Variants in LRR1 observed in about 807,000 individuals in gnomAD.
LRR1 encodes the protein leucine-rich repeat protein 1.
Under a neutral mutation model 31.6 loss-of-function variants are expected in LRR1, and 29 were observed. That is an observed-to-expected ratio of 0.92 (90% CI 0.68 to 1.25). LRR1 has a LOEUF of 1.25. LRR1 is among the 50% of genes most tolerant of loss of function. The pLI is 0.00. For synonymous variants in LRR1, 179 were observed against 181.4 expected (o/e 0.99, Z 0.10); for missense variants, 485 against 487.2 (o/e 1.00, Z 0.04).
At chr14:49,609,706 C>G (rs922780627) in intron 3 of LRR1, among the ~76,000 whole-genome samples, 6 of 151,640 alleles carry the variant, frequency 4.0e-5, no homozygotes, top group Non-Finnish European at 8.8e-5. Context: ...CGCGCCTGGC[C>G]TTATTTTTTT....
At chr14:49,602,339 T>G (rs1289479725) in intron 1 of LRR1, 31 bp from the exon 2 acceptor site, 1 of 1,564,000 alleles carries the variant, frequency 6.4e-7, no homozygotes, top group Admixed American at 1.7e-5. Context: ...ATAATTAGTT[T>G]TCTTCTTTTT....
Position 49,608,899 on chromosome 14 carries a change from C to CTTTTT in LRR1, c.1004+801_1004+805dup, listed in dbSNP as rs34457930. ...TCACCACTTTGTATGACTTTAACCT[C>CTTTTT]TTTTTTTTTTTTTTTTTTTTTTTTT... is the stretch of plus-strand genomic sequence containing the variant. On this transcript the variant is annotated intron_variant, in intron 3 of 3. Coordinates refer to ENST00000298288, the MANE Select transcript of LRR1 (RefSeq NM_152329.4). Among the ~76,000 whole-genome samples the CTTTTT allele has an allele frequency of 8.1e-4, 58 of 71,598 alleles. 2 individuals are homozygous for CTTTTT. Among genetic ancestry groups the CTTTTT allele is most frequent in the African/African-American group, 3.1e-3 (51 of 16,688 alleles). The allele number at this position is 71,598 out of a possible 152,430, so 47.0% of individuals were successfully genotyped here.
chr14:49,611,054 A>G (rs1443104912), intron 3 of LRR1, among the ~76,000 whole-genome samples: 1 of 152,198 alleles, frequency 6.6e-6, no homozygotes, highest in African/African-American at 2.4e-5. Flanking sequence ...ATTTTGCATA[A>G]AAGGAACCTG....
At chr14:49,613,300 C>G (rs1882581169) in intron 3 of LRR1, among the ~76,000 whole-genome samples, 1 of 148,924 alleles carries the variant, frequency 6.7e-6, no homozygotes, top group South Asian at 2.1e-4. Flanking sequence ...GATTGTGCCA[C>G]TGCGCTCCAG....
At chr14:49,610,591 CTT>C (rs1012122985) in intron 3 of LRR1, among the ~76,000 whole-genome samples, 3 of 150,792 alleles carry the variant, frequency 2.0e-5, no homozygotes, top group Admixed American at 6.6e-5. Context: ...GAGACAGTCT[CTT>C]TCACTCTTGC....
chr14:49,612,756 A>C (rs1338163545), intron 3 of LRR1: 1 of 536,154 alleles, frequency 1.9e-6, no homozygotes, highest in Non-Finnish European at 2.5e-6. Context: ...ATTATGTGCC[A>C]GCCTAAGCTA....
At chr14:49,612,479 T>G (rs1421802778) in intron 3 of LRR1, 1 of 1,253,486 alleles carries the variant, frequency 8.0e-7, no homozygotes, top group Non-Finnish European at 1.0e-6. Context: ...TAGAACCATC[T>G]ATCCGAAAGA....
intron 1 of LRR1, chr14:49,601,745 G>GGA (rs1882061134): frequency 8.2e-7 from 1 of 1,222,184 alleles, no homozygotes; most frequent in South Asian, 1.3e-5. Context: ...TGTTCTCAAA[G>GGA]GAGAGTTACT....
chr14:49,609,217 C>CTTTTTTTTTTTTTTTTTT (rs746422046), intron 3 of LRR1, among the ~76,000 whole-genome samples: 1 of 76,906 alleles, frequency 1.3e-5, no homozygotes, highest in African/African-American at 5.5e-5. Context: ...ACACCTGGCC[C>CTTTTTTTTTTTTTTTTTT]TTTTTTTTTT....
intron 1 of LRR1, chr14:49,600,155 CA>C: frequency 1.3e-6 from 2 of 1,494,548 alleles, no homozygotes; most frequent in Non-Finnish European, 1.9e-6. Context: ...CCGTGGGGGG[CA>C]AGCAGTACCT....
rs372797984 is a variant in LRR1, at chr14:49,607,804, G to C, written c.687G>C (p.Arg229=). 1.5e-5 allele frequency: 24 copies of C among 1,613,994 alleles called. No homozygotes were observed. Among genetic ancestry groups the C allele is most frequent in the Non-Finnish European group, 1.9e-5 (22 of 1,180,008 alleles). Residue 229 remains arginine, a synonymous_variant, in exon 3 of 4, where the codon CGG becomes CGC. Coordinates refer to ENST00000298288, the MANE Select transcript of LRR1 (RefSeq NM_152329.4). ...LCHSTLQKSL[R]SLDLSKNKIK... Reference sequence around the variant, plus strand: ...ATTCTACACTCCAGAAGTCACTTCGGAGTTTGGACCTCAGCAAGAACAAAA... The same window carrying C: ...ATTCTACACTCCAGAAGTCACTTCGCAGTTTGGACCTCAGCAAGAACAAAA...
intron 2 of LRR1, 100 bp from the exon 3 acceptor site, chr14:49,607,300 C>A: frequency 2.5e-6 from 3 of 1,183,028 alleles, no homozygotes; most frequent in Non-Finnish European, 3.4e-6. Context: ...ATCATTGTAT[C>A]ACATTCATAA....
In LRR1 at chr14:49,607,709, G is replaced by A. The variant is rs759058859; in HGVS notation, c.592G>A (p.Asp198Asn). 6.2e-7 allele frequency: 1 copy of A among 1,611,308 alleles called. No homozygotes were observed. The highest frequency in any genetic ancestry group is 8.5e-7 in the Non-Finnish European group (1 of 1,179,166). ...AAAAAAGCTTCCAGCTACAATTGGA[G>A]ACCTCATACACCTTCAAGAACTTAA... is the stretch of plus-strand genomic sequence containing the variant. ...HIKKLPATIG[D>N]LIHLQELNLN... The change falls in exon 3 of 4, where the codon GAC (aspartate) becomes AAC (asparagine). Residue 198 changes from aspartate to asparagine, a missense_variant. This residue lies in a region of LRR1 where 260 missense variants were observed against 249.6 expected (regional missense o/e 1.04). Transcript: ENST00000298288.
intron 2 of LRR1, among the ~76,000 whole-genome samples, chr14:49,605,261 G>A (rs1377940916): frequency 6.6e-6 from 1 of 152,166 alleles, no homozygotes; most frequent in Non-Finnish European, 1.5e-5. Flanking sequence ...TAACTAAGGA[G>A]TTTGGATTGA....
chr14:49,608,820 C>T (rs1406988427), intron 3 of LRR1, among the ~76,000 whole-genome samples: 1 of 149,818 alleles, frequency 6.7e-6, no homozygotes, highest in Non-Finnish European at 1.5e-5. Context: ...TTAGAGAGTT[C>T]GCATAGTGAT....
chr14:49,602,336 G>A, intron 1 of LRR1, 34 bp from the exon 2 acceptor site: 2 of 1,560,256 alleles, frequency 1.3e-6, no homozygotes, highest in Non-Finnish European at 1.8e-6. Context: ...ACAATAATTA[G>A]TTTTCTTCTT....
chr14:49,610,096 C>G (rs1882455371), intron 3 of LRR1, among the ~76,000 whole-genome samples: 1 of 152,058 alleles, frequency 6.6e-6, no homozygotes, highest in African/African-American at 2.4e-5. Flanking sequence ...TAATACCCAC[C>G]TTATAGAGTT....
At chr14:49,599,322 C>T (rs566535040) in intron 1 of LRR1, 119 bp downstream of exon 1, 2 of 1,167,848 alleles carry the variant, frequency 1.7e-6, no homozygotes, top group South Asian at 1.6e-5. Context: ...TTGGGGGTTC[C>T]TGAACTCCCA....
At chr14:49,606,195 T>A (rs1882275256) in intron 2 of LRR1, among the ~76,000 whole-genome samples, 2 of 150,902 alleles carry the variant, frequency 1.3e-5, no homozygotes, top group Admixed American at 1.3e-4. Context: ...CCCCACTAAT[T>A]TTTATATTTT....
Sources: allele counts gnomAD v4.1 joint callset (sites outside exome capture counted in the v4.1 genomes callset), GRCh38; gene constraint gnomAD v4.1.1; regional missense constraint gnomAD v4.1.1; transcripts MANE v1.5; gene names NCBI Gene and HGNC (gene_info 2026-07-23, HGNC 2026-07-21).